Variants in LDB2 observed in about 807,000 individuals in gnomAD.
LDB2 encodes LIM domain binding 2, also known as LIM domain-binding protein 2.
In LDB2, 12 loss-of-function variants were observed where a neutral mutation model predicts 44.3. The ratio of observed to expected loss-of-function variants is 0.27; its 90% CI spans 0.17 to 0.44. LDB2 has a LOEUF of 0.44. LDB2 is among the 20% of genes least tolerant of loss of function. The pLI, the probability that LDB2 is intolerant of heterozygous loss-of-function variation, is 1.00. For synonymous variants in LDB2, 164 were observed against 174.8 expected, an observed-to-expected ratio of 0.94 and a Z score of 0.49; for missense variants, 344 against 473.5, an observed-to-expected ratio of 0.73 and a Z score of 2.54.
chr4:16,585,012 C>T (rs938887394), intron 5 of LDB2, among the ~76,000 whole-genome samples: 4 of 152,144 alleles, frequency 2.6e-5, no homozygotes, highest in African/African-American at 4.8e-5. Context: ...GAGCATCTTC[C>T]CTGTTTTAAG....
chr4:16,813,983 T>C (rs1274252851), intron 1 of LDB2, among the ~76,000 whole-genome samples: 1 of 151,916 alleles, frequency 6.6e-6, no homozygotes, highest in Non-Finnish European at 1.5e-5. Flanking sequence ...GCCATTCTCC[T>C]GCCTCAGCCT....
intron 5 of LDB2, among the ~76,000 whole-genome samples, chr4:16,547,924 TC>T (rs1489330804): frequency 6.6e-6 from 1 of 151,948 alleles, no homozygotes; most frequent in Non-Finnish European, 1.5e-5. Context: ...TTACAAACAT[TC>T]ATTTGGAACT....
chr4:16,640,271 A>C (rs1432541929), intron 2 of LDB2, among the ~76,000 whole-genome samples: 1 of 152,214 alleles, frequency 6.6e-6, no homozygotes, highest in Non-Finnish European at 1.5e-5. Context: ...AAACAGATGA[A>C]CTAATAGTTT....
intron 1 of LDB2, among the ~76,000 whole-genome samples, chr4:16,790,663 C>T (rs955126338): frequency 1.3e-5 from 2 of 151,210 alleles, no homozygotes; most frequent in African/African-American, 2.5e-5. Context: ...TCTGACGGAG[C>T]TAACATATTA....
At chr4:16,622,652 A>G (rs1729208858) in intron 2 of LDB2, among the ~76,000 whole-genome samples, 1 of 152,188 alleles carries the variant, frequency 6.6e-6, no homozygotes. Context: ...TAAATATTTC[A>G]CAGCTTTAAA....
intron 1 of LDB2, among the ~76,000 whole-genome samples, chr4:16,777,876 G>C (rs1356026404): frequency 1.3e-5 from 2 of 152,114 alleles, no homozygotes. Context: ...ACAAATATTA[G>C]CTATCACTTT....
intron 2 of LDB2, among the ~76,000 whole-genome samples, chr4:16,743,233 T>C (rs1479898860): frequency 6.6e-6 from 1 of 152,096 alleles, no homozygotes; most frequent in East Asian, 1.9e-4. Context: ...GAGTTTGCAG[T>C]GAGCCGGGAT....
At chr4:16,557,786 CCCCTGAG>C (rs1740308791) in intron 5 of LDB2, among the ~76,000 whole-genome samples, 2 of 152,172 alleles carry the variant, frequency 1.3e-5, no homozygotes, top group African/African-American at 2.4e-5. Flanking sequence ...TGACCCCTGA[CCCCTGAG>C]CAGCCTAACT....
intron 2 of LDB2, among the ~76,000 whole-genome samples, chr4:16,722,640 C>T (rs891194758): frequency 6.6e-5 from 10 of 152,132 alleles, no homozygotes; most frequent in African/African-American, 2.4e-4. Context: ...TCTCTCGGCA[C>T]TCACCATACT....
chr4:16,522,294 G>GTGTGTGTGTGTGTGTGTA (rs1553878174), intron 5 of LDB2, among the ~76,000 whole-genome samples: 21 of 152,012 alleles, frequency 1.4e-4, no homozygotes, highest in Admixed American at 2.6e-4. Flanking sequence ...GTGTGTGTGT[G>GTGTGTGTGTGTGTGTGTA]TGTATGTATG....
intron 5 of LDB2, among the ~76,000 whole-genome samples, chr4:16,535,746 C>A (rs1195449347): frequency 1.3e-5 from 2 of 152,164 alleles, no homozygotes; most frequent in African/African-American, 4.8e-5. Context: ...TTATGCTAAG[C>A]CCTATACTGG....
chr4:16,846,255 A>G (rs930443625), intron 1 of LDB2, among the ~76,000 whole-genome samples: 2 of 152,236 alleles, frequency 1.3e-5, no homozygotes, highest in African/African-American at 4.8e-5. Context: ...ATTGTCTAAT[A>G]CACTTGGTTT....
At chr4:16,850,947 A>AGAGTGTGTGT (rs1554048716) in intron 1 of LDB2, among the ~76,000 whole-genome samples, 20 of 143,178 alleles carry the variant, frequency 1.4e-4, no homozygotes, top group Non-Finnish European at 2.3e-4. Flanking sequence ...TAAAACCATA[A>AGAGTGTGTGT]GTGTGTGTGT....
intron 2 of LDB2, among the ~76,000 whole-genome samples, chr4:16,605,358 G>T (rs548946463): frequency 8.5e-5 from 13 of 152,104 alleles, no homozygotes; most frequent in Non-Finnish European, 1.6e-4. Context: ...TGGAGTTAGG[G>T]TGCAATAAAA....
chr4:16,780,827 T>C (rs1386056249), intron 1 of LDB2, among the ~76,000 whole-genome samples: 1 of 152,072 alleles, frequency 6.6e-6, no homozygotes, highest in African/African-American at 2.4e-5. Context: ...GTACATTAAC[T>C]AAATGGTAAG....
chr4:16,758,896 A>G, intron 2 of LDB2, among the ~76,000 whole-genome samples: 1 of 152,132 alleles, frequency 6.6e-6, no homozygotes, highest in East Asian at 1.9e-4. Context: ...TTCCGCTCCC[A>G]CTCATCACTG....
At chr4:16,727,849 A>G (rs750968020) in intron 2 of LDB2, among the ~76,000 whole-genome samples, 13 of 152,178 alleles carry the variant, frequency 8.5e-5, no homozygotes, top group Non-Finnish European at 1.9e-4. Context: ...GACATATAAT[A>G]ATGAAATGTT....
intron 1 of LDB2, among the ~76,000 whole-genome samples, chr4:16,802,792 T>G (rs1456141420): frequency 1.3e-5 from 2 of 152,148 alleles, no homozygotes; most frequent in African/African-American, 4.8e-5. Flanking sequence ...GGACACCAAC[T>G]GTGGAGTTTA....
intron 5 of LDB2, among the ~76,000 whole-genome samples, chr4:16,527,372 A>G (rs1005753528): frequency 1.3e-5 from 2 of 152,316 alleles, no homozygotes; most frequent in East Asian, 3.9e-4. Flanking sequence ...GGTTTTTACA[A>G]TGCGATGCCA....
Sources: allele counts gnomAD v4.1 joint callset (sites outside exome capture counted in the v4.1 genomes callset), GRCh38; gene constraint gnomAD v4.1.1; transcripts MANE v1.5; gene names NCBI Gene and HGNC (gene_info 2026-07-23, HGNC 2026-07-21).